SOS1: variants seen among roughly 807,000 people sequenced by gnomAD.
The protein encoded by SOS1 is son of sevenless homolog 1.
SOS1 carries 25 observed loss-of-function variants against 157.6 expected under a neutral mutation model. That is an observed-to-expected ratio of 0.16 (90% CI 0.12 to 0.22). The LOEUF (loss-of-function observed/expected upper bound fraction) is 0.22, where lower values mean the gene tolerates loss of function less well. Among genes scored for constraint, SOS1 ranks in the 10% least tolerant of loss-of-function variants. SOS1 has a pLI of 1.00. For synonymous variants in SOS1, 528 were observed against 534.0 expected (o/e 0.99, Z 0.16); for missense variants, 1,237 against 1,599.1 (o/e 0.77, Z 3.86).
chr2:39,110,731 A>G (rs563982063), intron 1 of SOS1, among the ~76,000 whole-genome samples: 10 of 152,368 alleles, frequency 6.6e-5, no homozygotes, highest in African/African-American at 2.4e-4. Context: ...CATTAGGAAA[A>G]TATCGGCAAA....
At chr2:38,992,114 T>C (rs1323073752) in intron 20 of SOS1, among the ~76,000 whole-genome samples, 1 of 152,178 alleles carries the variant, frequency 6.6e-6, no homozygotes, top group Non-Finnish European at 1.5e-5. Context: ...AAATAGGTAT[T>C]CACTCTGGTG....
intron 8 of SOS1, among the ~76,000 whole-genome samples, chr2:39,034,234 GACT>G (rs1208263852): frequency 6.6e-6 from 1 of 152,156 alleles, no homozygotes; most frequent in Non-Finnish European, 1.5e-5. Context: ...AATTCCAAAT[GACT>G]ACTATGCAGT....
chr2:39,041,367 TA>T (rs1485815980), intron 6 of SOS1, among the ~76,000 whole-genome samples: 2 of 152,220 alleles, frequency 1.3e-5, no homozygotes, highest in Non-Finnish European at 2.9e-5. Flanking sequence ...ATTGGAGAAA[TA>T]TCTATTCAAA....
chr2:39,117,306 C>T (rs533018914), intron 1 of SOS1, among the ~76,000 whole-genome samples: 1 of 152,222 alleles, frequency 6.6e-6, no homozygotes, highest in East Asian at 1.9e-4. Context: ...GGATTACAGG[C>T]GTGAGCCACT....
At chr2:38,988,266 T>G (rs1668611385) in intron 21 of SOS1, among the ~76,000 whole-genome samples, 1 of 152,126 alleles carries the variant, frequency 6.6e-6, no homozygotes, top group Non-Finnish European at 1.5e-5. Flanking sequence ...GAAATTACAC[T>G]AAAATCTAGT....
Position 38,995,224 on chromosome 2 carries a change from G to C in SOS1, c.3245C>G (p.Ser1082Cys), listed in dbSNP as rs1668853926. 1 of 1,613,934 alleles carries C rather than the reference G, an allele frequency of 6.2e-7. No homozygotes were observed. The highest frequency in any genetic ancestry group is 1.3e-5 in the African/African-American group (1 of 74,920). ...CGGAGGTGTTAACGGTGTTCTTGGA[G>C]AATTTGGTGCAGATGCTGTACTTTC... ...ETESTASAPN[S>C]PRTPLTPPPA... Residue 1082 changes from serine to cysteine, a missense_variant, in exon 20 of 23, where the codon TCT becomes TGT. Physicochemically the swap from Ser to Cys is moderately radical, Grantham distance 112. Coordinates refer to ENST00000402219, the MANE Select transcript of SOS1 (RefSeq NM_005633.4).
chr2:39,067,199 A>C (rs1671617241), intron 2 of SOS1, among the ~76,000 whole-genome samples: 1 of 151,942 alleles, frequency 6.6e-6, no homozygotes, highest in Non-Finnish European at 1.5e-5. Flanking sequence ...TTTTTTTTAG[A>C]GATGGGGTCT....
intron 3 of SOS1, 99 bp downstream of exon 3, chr2:39,058,574 T>A: frequency 1.5e-6 from 2 of 1,303,712 alleles, no homozygotes; most frequent in Non-Finnish European, 2.2e-6. Context: ...ATTTTACTCT[T>A]AAGTTGACTC....
chr2:39,012,075 A>C (rs1021270717), intron 14 of SOS1, 51 bp downstream of exon 14: 1 of 1,304,820 alleles, frequency 7.7e-7, no homozygotes, highest in African/African-American at 1.5e-5. Flanking sequence ...TTTCATTTTA[A>C]AAGTTAACTC....
chr2:39,083,502 G>T (rs1238004059), intron 1 of SOS1, among the ~76,000 whole-genome samples: 2 of 152,224 alleles, frequency 1.3e-5, no homozygotes, highest in African/African-American at 2.4e-5. Context: ...CTTTGGAGAA[G>T]AATATGAATA....
intron 1 of SOS1, among the ~76,000 whole-genome samples, chr2:39,088,113 C>T (rs1051832678): frequency 4.1e-5 from 6 of 146,284 alleles, no homozygotes; most frequent in Admixed American, 1.4e-4. Context: ...ATTCATCAAT[C>T]GGATAAATTT....
At position 38,995,451 on chromosome 2, in the gene SOS1, T is replaced by C. The variant is rs189314843; in HGVS notation, c.3082-64A>G. The C allele has an allele frequency of 1.3e-5, 17 of 1,305,160 alleles. No homozygotes were observed. In the East Asian group the frequency reaches 3.7e-4, roughly 28 times the overall value. The allele number at this position is 1,305,160 out of a possible 1,614,324, so 80.8% of individuals were successfully genotyped here. A position where few individuals can be genotyped will look rare whatever the true frequency, so the allele number is the denominator to read the frequency against. The stretch of plus-strand genomic sequence containing the variant: ...TGTAGTAGAAAGGAAAGTTTTTCTA[T>C]ATGTGCCTGGTAAAATTCAGCTAAT... On this transcript the variant is annotated intron_variant, in intron 19 of 22. Transcript: ENST00000402219.
chr2:39,122,082 T>C (rs1038979060), upstream of SOS1, among the ~76,000 whole-genome samples: 2 of 152,186 alleles, frequency 1.3e-5, no homozygotes, highest in African/African-American at 2.4e-5. Context: ...TCTTAATCTT[T>C]ACAGGACCTC....
intron 1 of SOS1, among the ~76,000 whole-genome samples, chr2:39,117,749 A>G (rs895362316): frequency 6.6e-6 from 1 of 152,236 alleles, no homozygotes; most frequent in African/African-American, 2.4e-5. Context: ...AGGAGACTCA[A>G]TTAGAGAAGT....
At chr2:39,043,687 G>A (rs145392023) in intron 6 of SOS1, among the ~76,000 whole-genome samples, 2 of 152,300 alleles carry the variant, frequency 1.3e-5, no homozygotes, top group East Asian at 1.9e-4. Context: ...CTGACGCGGT[G>A]CAGGGCATCA....
intron 1 of SOS1, among the ~76,000 whole-genome samples, chr2:39,109,080 T>C (rs1673316703): frequency 6.6e-6 from 1 of 152,044 alleles, no homozygotes; most frequent in African/African-American, 2.4e-5. Context: ...GTGTCTGCTG[T>C]CCTACCTACT....
At chr2:39,035,133 C>T (rs1670298662) in intron 8 of SOS1, 79 bp downstream of exon 8, 9 of 897,230 alleles carry the variant, frequency 1.0e-5, no homozygotes, top group Middle Eastern at 2.8e-4. Flanking sequence ...GGTACTCACA[C>T]AATAATTTAC....
intron 1 of SOS1, among the ~76,000 whole-genome samples, chr2:39,101,972 C>A (rs1241300467): frequency 1.3e-5 from 2 of 151,766 alleles, no homozygotes; most frequent in East Asian, 3.9e-4. Context: ...CTTTGGGAGG[C>A]TGAGGTGGGC....
Position 38,989,306 on chromosome 2 carries a change from T to C in SOS1, c.3355A>G (p.Thr1119Ala), listed in dbSNP as rs764640296. 1.2e-6 allele frequency: 2 copies of C among 1,604,980 alleles called. No homozygotes were observed. Among genetic ancestry groups the C allele is most frequent in the Non-Finnish European group, 1.7e-6 (2 of 1,171,986 alleles). ...GGCAGAGTAACTTGGATAAAGACGG[T>C]ATCATTGCCTGTGAAAGGAAACAAG... ...HSSPFHSSND[T>A]VFIQVTLPHG... The change falls in exon 21 of 23, where the codon ACC (threonine) becomes GCC (alanine). Residue 1119 changes from threonine (T) to alanine (A), a missense_variant. Transcript: ENST00000402219.
Sources: allele counts gnomAD v4.1 joint callset (sites outside exome capture counted in the v4.1 genomes callset), GRCh38; gene constraint gnomAD v4.1.1; transcripts MANE v1.5; gene names NCBI Gene and HGNC (gene_info 2026-07-23, HGNC 2026-07-21).